The following AMN variants were observed in gnomAD, a reference collection of about 807,000 sequenced individuals.
AMN encodes protein amnionless.
A neutral mutation model predicts 49.1 loss-of-function variants in AMN; 40 were observed. That is an observed-to-expected ratio of 0.81 (90% CI 0.63 to 1.06). The LOEUF is 1.06. AMN is among the 50% of genes least tolerant of loss of function. The pLI is 0.00. For missense variants in AMN, 701 were observed against 662.8 expected, an observed-to-expected ratio of 1.06 and a Z score of -0.63; for synonymous variants, 380 against 313.3, an observed-to-expected ratio of 1.21 and a Z score of -2.25.
At chr14:102,928,087 C>G (rs1269035669) in intron 3 of AMN, among the ~76,000 whole-genome samples, 2 of 152,212 alleles carry the variant, frequency 1.3e-5, no homozygotes, top group Non-Finnish European at 2.9e-5. Flanking sequence ...CGGGGGGAGG[C>G]GACAGGCCCT....
rs1020001159 is a variant in AMN at position 102,928,662 on chromosome 14, CTTGGGAGGTCGTGCTCAGACGCGTG to C, written c.296-95_296-71del. On this transcript the variant is annotated intron_variant, in intron 4 of 11. Transcript: ENST00000299155. ...GTGGCGGAAGTGTCCCGAAGCGGGG[CTTGGGAGGTCGTGCTCAGACGCGTG>C]GCGTGGCGTGGCGTGGCGTGGTGTG... 4.6e-6 allele frequency: 7 copies of C among 1,509,722 alleles called. No individual in the cohort carries two copies. The African/African-American group carries it at 9.6e-5, about 21-fold the overall frequency. The allele number at this position is 1,509,722 out of a possible 1,614,324, so 93.5% of individuals were successfully genotyped here. A position where few individuals can be genotyped will look rare whatever the true frequency, so the allele number is the denominator to read the frequency against.
rs1374540777 is a variant in AMN, at chr14:102,930,689, C to A, written c.*9C>A. The A allele has an allele frequency of 6.4e-7, 1 of 1,571,332 alleles. No homozygotes were observed. Among genetic ancestry groups the A allele is most frequent in the Non-Finnish European group, 8.6e-7 (1 of 1,159,950 alleles). On this transcript the variant is annotated 3_prime_UTR_variant, in exon 12 of 12. Coordinates refer to ENST00000299155, the MANE Select transcript of AMN (RefSeq NM_030943.4). Reference sequence around the variant, plus strand: ...CCGAGGCCGAGGCCTGAGCGGCCGCCTGACCGTCGACCTTGGGGCTCTCCA... The same window carrying A: ...CCGAGGCCGAGGCCTGAGCGGCCGCATGACCGTCGACCTTGGGGCTCTCCA...
rs1326482607 is a variant in AMN, at chr14:102,930,098, C to T, written c.1006+12C>T. 3.3e-6 allele frequency: 5 copies of T among 1,515,232 alleles called. No individual in the cohort carries two copies. The highest frequency in any genetic ancestry group is 4.4e-6 in the Non-Finnish European group (5 of 1,135,790). The allele number at this position is 1,515,232 out of a possible 1,614,324, so 93.9% of individuals were successfully genotyped here. A position where few individuals can be genotyped will look rare whatever the true frequency, so the allele number is the denominator to read the frequency against. ...CGTCGCCGAGAACGGTAACCGCGCC[C>T]GCCCCATCCCGCCCCGCCGCGCCTC... On this transcript the variant is annotated intron_variant, in intron 9 of 11. Transcript: ENST00000299155.
chr14:102,925,867 G>C (rs1471894366), intron 3 of AMN, among the ~76,000 whole-genome samples: 1 of 152,114 alleles, frequency 6.6e-6, no homozygotes, highest in Non-Finnish European at 1.5e-5. Context: ...CGGCTATGTT[G>C]CCCTCCACAC....
chr14:102,926,945 G>A (rs1891202255), intron 3 of AMN, among the ~76,000 whole-genome samples: 1 of 152,200 alleles, frequency 6.6e-6, no homozygotes. Flanking sequence ...AGGCTGGAGT[G>A]CAATGGCGTG....
chr14:102,923,575 CG>C (rs1891114027), intron 1 of AMN, 135 bp from the exon 2 acceptor site: 5 of 843,396 alleles, frequency 5.9e-6, no homozygotes, highest in Non-Finnish European at 1.0e-5. Flanking sequence ...GGTCTGGGTC[CG>C]GGCCCCCGGG....
In AMN at chr14:102,930,180, T is replaced by A. The variant is rs1213247008; in HGVS notation, c.1022T>A (p.Val341Asp). ...TCCGTCGCAGGCGAGGCCCTCGGCGTCCTGGAGGCGACCATGCGGGAGTCG... is the reference window on the plus strand; with the variant it reads ...TCCGTCGCAGGCGAGGCCCTCGGCGACCTGGAGGCGACCATGCGGGAGTCG... ...DVAENGEALG[V>D]LEATMRESGA... Residue 341 changes from valine to aspartate, a missense_variant, in exon 10 of 12, where the codon GTC (valine) becomes GAC (aspartate). Coordinates refer to ENST00000299155, the MANE Select transcript of AMN (RefSeq NM_030943.4). 88 of 1,483,346 alleles carry A rather than the reference T, an allele frequency of 5.9e-5. No homozygotes were observed. The highest frequency in any genetic ancestry group is 7.6e-5 in the Non-Finnish European group (85 of 1,123,978). The allele number at this position is 1,483,346 out of a possible 1,614,324, so 91.9% of individuals were successfully genotyped here. A position where few individuals can be genotyped will look rare whatever the true frequency, so the allele number is the denominator to read the frequency against.
At position 102,929,145 on chromosome 14, in the gene AMN, G is replaced by C; in HGVS notation, c.538G>C (p.Ala180Pro). The C allele has an allele frequency of 6.3e-7, 1 of 1,597,332 alleles. No homozygotes were observed. The highest frequency in any genetic ancestry group is 8.5e-7 in the Non-Finnish European group (1 of 1,179,522). ...GACGTTCACGCGCGACGAGGACCTG[G>C]CTGTTTTCCTGGCGTCCCGCGCGGG... ...GRTFTRDEDL[A>P]VFLASRAGRL... The change falls in exon 6 of 12, where the codon GCT becomes CCT. Residue 180 changes from alanine to proline, a missense_variant. Transcript: ENST00000299155.
intron 3 of AMN, among the ~76,000 whole-genome samples, chr14:102,926,206 G>A (rs1459234167): frequency 1.3e-5 from 2 of 152,192 alleles, no homozygotes; most frequent in Non-Finnish European, 2.9e-5. Flanking sequence ...TGTTTCGTTT[G>A]AGAATCGCGT....
rs762514501 is a variant in AMN, at chr14:102,923,899, T to G, written c.163-36T>G. 9 of 1,613,006 alleles carry G rather than the reference T, an allele frequency of 5.6e-6. No individual in the cohort carries two copies. In the South Asian group the frequency reaches 9.9e-5, roughly 18 times the overall value. On this transcript the variant is annotated intron_variant, in intron 2 of 11. Coordinates refer to ENST00000299155, the MANE Select transcript of AMN (RefSeq NM_030943.4). Reference sequence around the variant, plus strand: ...GAGACCGTGTGGCCCCGGTGGGGGTTGCTCCCGGCTCGGCTGAGGCAGCTT... The same window carrying G: ...GAGACCGTGTGGCCCCGGTGGGGGTGGCTCCCGGCTCGGCTGAGGCAGCTT...
In AMN at chr14:102,929,729, C is replaced by T. The variant is rs371426960; in HGVS notation, c.835C>T (p.Leu279=). 143 of 1,550,496 alleles carry T rather than the reference C, an allele frequency of 9.2e-5. No individual in the cohort carries two copies. In the African/African-American group the frequency reaches 1.8e-3, roughly 20 times the overall value. Reference sequence around the variant, plus strand: ...CCGGGCGCGGATACTGGACACCTTCCTGGGTCTGGTAATGGGGCCGCGCGG... The same window carrying T: ...CCGGGCGCGGATACTGGACACCTTCTTGGGTCTGGTAATGGGGCCGCGCGG... ...RYRARILDTF[L]GLPQYHGLQV... Residue 279 remains leucine (L), a synonymous_variant, in exon 8 of 12, where the codon CTG becomes TTG. Coordinates refer to ENST00000299155, the MANE Select transcript of AMN (RefSeq NM_030943.4).
In AMN at chr14:102,930,507, A is replaced by AG. The variant is rs759269975; in HGVS notation, c.1257+20dup. 359 of 1,536,122 alleles carry AG rather than the reference A, an allele frequency of 2.3e-4. 3 individuals are homozygous for AG. The highest frequency in any genetic ancestry group is 4.6e-5 in the Non-Finnish European group (53 of 1,142,804). On this transcript the variant is annotated intron_variant, in intron 11 of 11. Transcript: ENST00000299155. ...TCCGAGGAGCTGGTGAGGGGGCTGG[A>AG]GGGGGGACCGGGGCCTCCTCGGGGC...
At position 102,929,183 on chromosome 14, in the gene AMN, C is replaced by T; in HGVS notation, c.576C>T (p.Phe192=). 3.1e-6 allele frequency: 5 copies of T among 1,594,434 alleles called. No homozygotes were observed. Among genetic ancestry groups the T allele is most frequent in the African/African-American group, 1.3e-5 (1 of 74,954 alleles). The change falls in exon 6 of 12, where the codon TTC becomes TTT. Residue 192 remains phenylalanine, a synonymous_variant. Transcript: ENST00000299155. ...FLASRAGRLR[F]HGPGALSVGP... ...CGTCCCGCGCGGGCCGCCTACGCTT[C>T]CACGGGCCGGGCGCGCTGAGCGTGG... is the stretch of plus-strand genomic sequence containing the variant.
In AMN at chr14:102,923,812, GA is replaced by G; in HGVS notation, c.146del (p.Glu49GlyfsTer150). 6.2e-7 allele frequency: 1 copy of G among 1,612,672 alleles called. No homozygotes were observed. Among genetic ancestry groups the G allele is most frequent in the Non-Finnish European group, 8.5e-7 (1 of 1,179,844 alleles). On this transcript the variant is annotated frameshift_variant, in exon 2 of 12. Transcript: ENST00000299155. LOFTEE classifies it high-confidence loss of function. ...GACCCCGTGCGCCGGCGGCGCCGTT[GA>G]GTTCCCGGCGGACAAGGTGCCTGGG... ...NRTPCAGGAV[E>X]FPADKMVSVL...
intron 3 of AMN, among the ~76,000 whole-genome samples, chr14:102,926,501 TTG>T (rs1302028633): frequency 6.6e-6 from 1 of 152,184 alleles, no homozygotes; most frequent in Non-Finnish European, 1.5e-5. Flanking sequence ...CCAAGGTTCT[TTG>T]TGGATCTCAT....
intron 1 of AMN, chr14:102,923,453 T>G: frequency 2.0e-6 from 1 of 502,050 alleles, no homozygotes; most frequent in Non-Finnish European, 3.6e-6. Flanking sequence ...GCCGGGAGGC[T>G]ATCTAGGCAG....
chr14:102,929,818 TCCCTGCGGCTGCTCACTTGCCCA>T (rs1891291682), intron 8 of AMN, 81 bp downstream of exon 8: 1 of 1,541,242 alleles, frequency 6.5e-7, no homozygotes, highest in Admixed American at 2.0e-5. Context: ...TTCTGCAGGG[TCCCTGCGGCTGCTCACTTGCCCA>T]CTATCTGCCT....
rs119478058 is a variant in AMN at position 102,923,789 on chromosome 14, C to T, written c.122C>T (p.Thr41Ile). ...GCAGCCAACTGGAGCCAGAACCGGA[C>T]CCCGTGCGCCGGCGGCGCCGTTGAG... ...DVAANWSQNR[T>I]PCAGGAVEFP... Residue 41 changes from threonine (T) to isoleucine (I), a missense_variant, in exon 2 of 12, where the codon ACC becomes ATC. Thr to Ile is a moderately conservative substitution (Grantham distance 89). Coordinates refer to ENST00000299155, the MANE Select transcript of AMN (RefSeq NM_030943.4). 4.9e-5 allele frequency: 79 copies of T among 1,612,640 alleles called. No individual in the cohort carries two copies. Among genetic ancestry groups the T allele is most frequent in the Non-Finnish European group, 6.6e-5 (78 of 1,179,882 alleles).
chr14:102,928,931 G>A lies in AMN; in HGVS notation c.469G>A (p.Gly157Ser), dbSNP rs758209255. The A allele has an allele frequency of 5.0e-6, 8 of 1,601,048 alleles. No individual in the cohort carries two copies. The highest frequency in any genetic ancestry group is 4.0e-5 in the African/African-American group (3 of 74,912). ...SASFRVGLGP[G>S]ASPVRVRSIS... Reference sequence around the variant, plus strand: ...CTCCTTCCGCGTGGGGCTCGGCCCTGGCGCTAGCCCCGTGCGTGTCCGCAG... The same window carrying A: ...CTCCTTCCGCGTGGGGCTCGGCCCTAGCGCTAGCCCCGTGCGTGTCCGCAG... Residue 157 changes from glycine to serine, a missense_variant, in exon 5 of 12, where the codon GGC becomes AGC. Gly to Ser is a moderately conservative substitution (Grantham distance 56). Coordinates refer to ENST00000299155, the MANE Select transcript of AMN (RefSeq NM_030943.4).
Sources: allele counts gnomAD v4.1 joint callset (sites outside exome capture counted in the v4.1 genomes callset), GRCh38; gene constraint gnomAD v4.1.1; transcripts MANE v1.5; gene names NCBI Gene and HGNC (gene_info 2026-07-23, HGNC 2026-07-21).